NCKAP5: variants seen among roughly 807,000 people sequenced by gnomAD.
NCKAP5 encodes NCK associated protein 5, also known as nck-associated protein 5.
In NCKAP5, 92 loss-of-function variants were observed where a neutral mutation model predicts 167.0. That is an observed-to-expected ratio of 0.55 (90% CI 0.47 to 0.66). NCKAP5 has a LOEUF of 0.66. Ranked by LOEUF, NCKAP5 falls within the 30% of genes least tolerant of loss-of-function variation. NCKAP5 has a pLI of 0.00. For synonymous variants in NCKAP5, 891 were observed against 877.4 expected, an observed-to-expected ratio of 1.02 and a Z score of -0.27; for missense variants, 2,378 against 2,315.0, an observed-to-expected ratio of 1.03 and a Z score of -0.56.
At chr2:133,490,004 AG>A (rs1681298941) in intron 3 of NCKAP5, among the ~76,000 whole-genome samples, 1 of 152,194 alleles carries the variant, frequency 6.6e-6, no homozygotes, top group African/African-American at 2.4e-5. Flanking sequence ...GAGAGGGCTG[AG>A]GGGAAATAGG....
intron 8 of NCKAP5, among the ~76,000 whole-genome samples, chr2:132,887,708 G>A (rs1692362461): frequency 6.6e-6 from 1 of 152,124 alleles, no homozygotes; most frequent in African/African-American, 2.4e-5. Flanking sequence ...GTGTAGTGGT[G>A]TGATCATAGC....
At chr2:133,606,755 A>AT in the NCKAP5 span, among the ~76,000 whole-genome samples, 1 of 150,972 alleles carries the variant, frequency 6.6e-6, no homozygotes, top group Non-Finnish European at 1.5e-5. Context: ...GAAAAAAAAA[A>AT]AAAAAAAGGT....
At chr2:132,991,846 G>A (rs973256671) in intron 7 of NCKAP5, among the ~76,000 whole-genome samples, 11 of 152,178 alleles carry the variant, frequency 7.2e-5, no homozygotes, top group African/African-American at 2.7e-4. Flanking sequence ...GCAGAATTTG[G>A]CCGCAGGGAG....
intron 6 of NCKAP5, among the ~76,000 whole-genome samples, chr2:133,120,545 GT>G (rs1249297393): frequency 6.7e-6 from 1 of 148,688 alleles, no homozygotes; most frequent in East Asian, 1.9e-4. Context: ...TGGTATAAAT[GT>G]TATCTGAGAG....
intron 5 of NCKAP5, among the ~76,000 whole-genome samples, chr2:133,179,011 T>G (rs2084613169): frequency 6.6e-6 from 1 of 151,536 alleles, no homozygotes; most frequent in Non-Finnish European, 1.5e-5. Flanking sequence ...ACAAAAAATA[T>G]TTAAAAATTA....
At chr2:133,476,669 T>A (rs1019399026) in intron 3 of NCKAP5, among the ~76,000 whole-genome samples, 5 of 152,212 alleles carry the variant, frequency 3.3e-5, no homozygotes, top group Non-Finnish European at 7.3e-5. Context: ...AAGAAAGAAA[T>A]TAGGCAAAAT....
chr2:132,734,252 G>A (rs1242755525), intron 16 of NCKAP5, among the ~76,000 whole-genome samples: 1 of 152,220 alleles, frequency 6.6e-6, no homozygotes, highest in Non-Finnish European at 1.5e-5. Flanking sequence ...ACTGCCAGAT[G>A]AGTCAAAGAA....
intron 5 of NCKAP5, among the ~76,000 whole-genome samples, chr2:133,174,716 C>T (rs34311188): frequency 0.5 from 62,586 of 126,110 alleles, 15,903 homozygotes; most frequent in East Asian, 0.75. Context: ...TTTTTTTTTT[C>T]TCCCCCCTGC....
chr2:133,645,851 G>A, the NCKAP5 span, among the ~76,000 whole-genome samples: 1 of 151,838 alleles, frequency 6.6e-6, no homozygotes, highest in Non-Finnish European at 1.5e-5. Context: ...GAAATGCAAG[G>A]ATAAATTTAC....
chr2:133,612,979 G>A, the NCKAP5 span, among the ~76,000 whole-genome samples: 2 of 152,198 alleles, frequency 1.3e-5, no homozygotes, highest in East Asian at 3.9e-4. Flanking sequence ...GAAACTTACA[G>A]CACTAATAAA....
intron 6 of NCKAP5, chr2:133,122,521 C>T (rs1023559784): frequency 3.3e-5 from 5 of 152,082 alleles, no homozygotes; most frequent in African/African-American, 1.2e-4. Context: ...CAAATAAATC[C>T]TAAAGTGGAC....
At chr2:132,688,860 C>T (rs994681826) in intron 19 of NCKAP5, among the ~76,000 whole-genome samples, 1 of 151,630 alleles carries the variant, frequency 6.6e-6, no homozygotes, top group African/African-American at 2.4e-5. Context: ...GTGGCAGGCA[C>T]CTGTGGTCCC....
chr2:133,094,007 G>A (rs987220876), intron 6 of NCKAP5, among the ~76,000 whole-genome samples: 2 of 152,174 alleles, frequency 1.3e-5, no homozygotes, highest in Admixed American at 6.5e-5. Context: ...AGGCTCTCAG[G>A]GAGAGGCAGG....
the NCKAP5 span, among the ~76,000 whole-genome samples, chr2:133,603,979 C>T: frequency 1.4e-3 from 211 of 152,324 alleles, no homozygotes; most frequent in African/African-American, 4.9e-3. Context: ...AACACTGTGT[C>T]CTGCAGCCCT....
intron 3 of NCKAP5, among the ~76,000 whole-genome samples, chr2:133,511,282 C>T (rs911865290): frequency 2.0e-5 from 3 of 152,190 alleles, no homozygotes; most frequent in African/African-American, 7.2e-5. Context: ...TCAAGACTTG[C>T]AGCAAGTAGC....
chr2:133,001,229 T>G (rs886860219), intron 6 of NCKAP5, among the ~76,000 whole-genome samples: 18 of 151,354 alleles, frequency 1.2e-4, no homozygotes, highest in Admixed American at 1.1e-3. Context: ...TTTTTTTTTT[T>G]TTTTTGAGAC....
At chr2:133,649,390 C>T in the NCKAP5 span, among the ~76,000 whole-genome samples, 1 of 151,398 alleles carries the variant, frequency 6.6e-6, no homozygotes, top group African/African-American at 2.4e-5. Flanking sequence ...TTTATGAGGC[C>T]AGCATTACCC....
intron 16 of NCKAP5, among the ~76,000 whole-genome samples, chr2:132,741,324 A>G (rs1679172895): frequency 6.6e-6 from 1 of 152,100 alleles, no homozygotes; most frequent in Non-Finnish European, 1.5e-5. Context: ...AAGTCTTCAC[A>G]TAACTGCTTC....
chr2:132,764,865 T>C (rs555121748), intron 16 of NCKAP5, among the ~76,000 whole-genome samples: 8 of 152,386 alleles, frequency 5.2e-5, no homozygotes, highest in African/African-American at 1.7e-4. Flanking sequence ...GATACACTTT[T>C]ATTTTAAATA....
Sources: gnomAD v4.1 joint callset for allele counts (sites outside exome capture counted in the v4.1 genomes callset) on GRCh38, gnomAD v4.1.1 for gene constraint, MANE v1.5 for transcripts, NCBI Gene and HGNC (gene_info 2026-07-23, HGNC 2026-07-21) for gene names.